VAT1L: variants seen among roughly 807,000 people sequenced by gnomAD.
VAT1L encodes the protein vesicle amine transport 1 like.
In VAT1L, 34 loss-of-function variants were observed where a neutral mutation model predicts 44.1. The observed-to-expected ratio is 0.77, with a 90% CI of 0.59 to 1.03. The LOEUF is 1.03. VAT1L is among the 50% of genes least tolerant of loss of function. The pLI is 0.00. For synonymous variants in VAT1L, 253 were observed against 202.2 expected, an observed-to-expected ratio of 1.25 and a Z score of -2.13; for missense variants, 615 against 538.8, an observed-to-expected ratio of 1.14 and a Z score of -1.40.
rs185800622 is a variant in VAT1L, at chr16:77,961,095, C to T, written c.1078-10755C>T. ...ATTTTTCTGAGAGCATCTATCAGGA[C>T]GCTGCAGCTCCTGTGCTGCTGTCTG... On this transcript the variant is annotated intron_variant, in intron 7 of 8. Coordinates refer to ENST00000302536, the MANE Select transcript of VAT1L (RefSeq NM_020927.3). Among the ~76,000 whole-genome samples the T allele has an allele frequency of 7.4e-4, 112 of 152,226 alleles. 1 individual carries two copies. Among genetic ancestry groups the T allele is most frequent in the African/African-American group, 2.6e-3 (108 of 41,544 alleles).
intron 1 of VAT1L, among the ~76,000 whole-genome samples, chr16:77,813,421 C>A (rs1030209777): frequency 1.3e-5 from 2 of 152,162 alleles, no homozygotes; most frequent in African/African-American, 4.8e-5. Context: ...AAGCAAAGAG[C>A]TTCTGCTATA....
At chr16:77,793,859 G>A (rs766205935) in intron 1 of VAT1L, among the ~76,000 whole-genome samples, 2 of 152,182 alleles carry the variant, frequency 1.3e-5, no homozygotes, top group African/African-American at 4.8e-5. Flanking sequence ...ATTGGAGATA[G>A]GGAAGGAACA....
intron 7 of VAT1L, among the ~76,000 whole-genome samples, chr16:77,956,122 G>A (rs902462891): frequency 2.6e-5 from 4 of 152,222 alleles, no homozygotes; most frequent in East Asian, 1.9e-4. Context: ...TGAGGGGATG[G>A]ATACTGCATT....
chr16:77,839,317 C>T lies in VAT1L; in HGVS notation c.579+13856C>T, dbSNP rs12917643. ...TTGGGAGGCCGAGACGGGCAGATCACGAGGTCAGGAGATGGAGACCATCCT... is the reference window on the plus strand; with the variant it reads ...TTGGGAGGCCGAGACGGGCAGATCATGAGGTCAGGAGATGGAGACCATCCT... On this transcript the variant is annotated intron_variant, in intron 3 of 8. Coordinates refer to ENST00000302536, the MANE Select transcript of VAT1L (RefSeq NM_020927.3). Among the ~76,000 whole-genome samples, 123 of 151,862 alleles carry T rather than the reference C, an allele frequency of 8.1e-4. 1 individual carries two copies. The highest frequency in any genetic ancestry group is 1.1e-3 in the Non-Finnish European group (77 of 67,952).
intron 7 of VAT1L, among the ~76,000 whole-genome samples, chr16:77,903,538 C>A (rs2017406827): frequency 6.6e-6 from 1 of 151,960 alleles, no homozygotes; most frequent in African/African-American, 2.4e-5. Context: ...TGGACTGGAC[C>A]AGGGTGTACA....
intron 7 of VAT1L, among the ~76,000 whole-genome samples, chr16:77,959,292 T>C (rs2018137302): frequency 6.6e-6 from 1 of 152,202 alleles, no homozygotes; most frequent in African/African-American, 2.4e-5. Context: ...GTCAGAATCT[T>C]GGGGCTCACG....
chr16:77,872,195 A>C (rs147655963), intron 4 of VAT1L, among the ~76,000 whole-genome samples: 2 of 152,074 alleles, frequency 1.3e-5, no homozygotes, highest in Non-Finnish European at 2.9e-5. Context: ...TAAAATGTAT[A>C]TTCCTAAGCC....
At chr16:77,818,128 G>GC (rs1464281351) in intron 2 of VAT1L, among the ~76,000 whole-genome samples, 1 of 152,016 alleles carries the variant, frequency 6.6e-6, no homozygotes, top group Non-Finnish European at 1.5e-5. Flanking sequence ...CCTACTCCCA[G>GC]CCCCCAAATA....
intron 7 of VAT1L, among the ~76,000 whole-genome samples, chr16:77,911,613 C>A (rs575544324): frequency 6.6e-6 from 1 of 152,334 alleles, no homozygotes; most frequent in East Asian, 1.9e-4. Context: ...AGGCCATCCT[C>A]CTGTGGGTCA....
intron 7 of VAT1L, among the ~76,000 whole-genome samples, chr16:77,900,576 T>A (rs1250423293): frequency 6.6e-6 from 1 of 151,398 alleles, no homozygotes; most frequent in Non-Finnish European, 1.5e-5. Context: ...CTGCCTGTAG[T>A]CCCAGCTACT....
chr16:77,906,317 G>C (rs983260235), intron 7 of VAT1L, among the ~76,000 whole-genome samples: 3 of 152,162 alleles, frequency 2.0e-5, no homozygotes, highest in African/African-American at 7.2e-5. Flanking sequence ...ACATCACCAG[G>C]TCTGGGGAAA....
At chr16:77,849,187 A>G (rs769003521) in intron 3 of VAT1L, among the ~76,000 whole-genome samples, 3 of 152,206 alleles carry the variant, frequency 2.0e-5, no homozygotes, top group Non-Finnish European at 4.4e-5. Flanking sequence ...CTTAAAGTAT[A>G]ATAACAAAAA....
chr16:77,863,710 G>C (rs2016939948), intron 4 of VAT1L, among the ~76,000 whole-genome samples: 1 of 152,192 alleles, frequency 6.6e-6, no homozygotes, highest in African/African-American at 2.4e-5. Flanking sequence ...TGGGGTGCAA[G>C]TCCAGGGATG....
At chr16:77,791,434 C>A (rs57406584) in intron 1 of VAT1L, among the ~76,000 whole-genome samples, 1,910 of 152,190 alleles carry the variant, frequency 0.013, 42 homozygotes, top group African/African-American at 0.043. Flanking sequence ...AAGAAATATC[C>A]ATTTTATATC....
In VAT1L at chr16:77,971,466, T is replaced by A. The variant is rs142251228; in HGVS notation, c.1078-384T>A. 7.5e-4 allele frequency among the ~76,000 whole-genome samples: 114 copies of A among 152,268 alleles called. 3 individuals are homozygous for A. The East Asian group carries it at 0.021, about 28-fold the overall frequency. On this transcript the variant is annotated intron_variant, in intron 7 of 8. Coordinates refer to ENST00000302536, the MANE Select transcript of VAT1L (RefSeq NM_020927.3). The stretch of plus-strand genomic sequence containing the variant: ...GAGTCACAGTTAAATAACATTGAAG[T>A]AAGCAGGGCACAAATGACCTTCAGA...
intron 7 of VAT1L, among the ~76,000 whole-genome samples, chr16:77,913,204 T>C (rs2017516720): frequency 6.6e-6 from 1 of 152,236 alleles, no homozygotes; most frequent in Non-Finnish European, 1.5e-5. Context: ...ATTTTTATTG[T>C]GGCAAAAACA....
chr16:77,964,046 C>A (rs2018193582), intron 7 of VAT1L, among the ~76,000 whole-genome samples: 1 of 152,096 alleles, frequency 6.6e-6, no homozygotes, highest in Admixed American at 6.5e-5. Context: ...CCTCCACCTG[C>A]CCTTGTATTT....
intron 7 of VAT1L, among the ~76,000 whole-genome samples, chr16:77,946,307 A>G (rs1248193660): frequency 1.4e-3 from 6 of 4,246 alleles, no homozygotes; most frequent in African/African-American, 3.5e-3. Flanking sequence ...TTTTTGAGAC[A>G]GAGTCTCACT....
At chr16:77,975,174 T>C (rs1316456258) in intron 8 of VAT1L, among the ~76,000 whole-genome samples, 2 of 142,294 alleles carry the variant, frequency 1.4e-5, no homozygotes, top group East Asian at 4.2e-4. Context: ...CAGAGGTGCT[T>C]TCTCCTACTG....
Sources: gnomAD v4.1 joint callset for allele counts (sites outside exome capture counted in the v4.1 genomes callset) on GRCh38, gnomAD v4.1.1 for gene constraint, MANE v1.5 for transcripts, NCBI Gene and HGNC (gene_info 2026-07-23, HGNC 2026-07-21) for gene names.